ACIN1: variants seen among roughly 807,000 people sequenced by gnomAD.
ACIN1 encodes the protein apoptotic chromatin condensation inducer 1.
ACIN1 carries 16 observed loss-of-function variants against 146.6 expected under a neutral mutation model. The ratio of observed to expected loss-of-function variants is 0.11; its 90% confidence interval spans 0.07 to 0.17. The LOEUF is 0.17. ACIN1 is among the 10% of genes least tolerant of loss of function. The pLI is 1.00. For synonymous variants in ACIN1, 569 were observed against 582.7 expected (o/e 0.98, Z 0.34); for missense variants, 1,357 against 1,609.3 (o/e 0.84, Z 2.68).
At position 23,059,951 on chromosome 14, in the gene ACIN1, C is replaced by T. The variant is rs534371640; in HGVS notation, c.3526-477G>A. On this transcript the variant is annotated intron_variant, in intron 18 of 18. Transcript: ENST00000605057. ...ATTACAGGCGTGAGCCACCGCGCCC[C>T]GCCAGTTTTTTTTTTTTTTTTTTTT... 4.3e-3 allele frequency among the ~76,000 whole-genome samples: 583 copies of T among 135,136 alleles called. 5 individuals carry two copies. Among genetic ancestry groups the T allele is most frequent in the African/African-American group, 0.014 (482 of 35,654 alleles). The allele number at this position is 135,136 out of a possible 152,430, so 88.7% of individuals were successfully genotyped here. A position where few individuals can be genotyped will look rare whatever the true frequency, so the allele number is the denominator to read the frequency against.
Position 23,059,088 on chromosome 14 carries a change from C to G in ACIN1, c.*60G>C. The G allele has an allele frequency of 3.9e-6, 6 of 1,536,018 alleles. No homozygotes were observed. In the South Asian group the frequency reaches 7.0e-5, roughly 18 times the overall value. ...GGTGGTGGAGACTGTGCCTATCCCT[C>G]TGTGGCCATAACCCCCTGGGGCCGA... On this transcript the variant is annotated 3_prime_UTR_variant, in exon 19 of 19. Coordinates refer to ENST00000605057, the MANE Select transcript of ACIN1 (RefSeq NM_001386863.1).
At chr14:23,071,467 G>A (rs905480839) in intron 8 of ACIN1, 145 of 1,551,660 alleles carry the variant, frequency 9.3e-5, no homozygotes, top group Non-Finnish European at 1.2e-4. Flanking sequence ...CTCTGGAGAA[G>A]GAGGAAGAGG....
chr14:23,064,962 T>G (rs188845100), intron 10 of ACIN1, among the ~76,000 whole-genome samples: 1 of 151,642 alleles, frequency 6.6e-6, no homozygotes, highest in East Asian at 1.9e-4. Flanking sequence ...GACTGAACAC[T>G]GATCTAAAAG....
chr14:23,065,773 G>A (rs537065610), intron 10 of ACIN1, among the ~76,000 whole-genome samples, 193 bp downstream of exon 10: 1 of 152,200 alleles, frequency 6.6e-6, no homozygotes, highest in East Asian at 1.9e-4. Context: ...GGAGCAATAT[G>A]ATGGGGATTG....
chr14:23,090,816 C>T (rs762678516), intron 2 of ACIN1, among the ~76,000 whole-genome samples, 183 bp from the exon 3 acceptor site: 4 of 151,870 alleles, frequency 2.6e-5, no homozygotes, highest in Non-Finnish European at 5.9e-5. Flanking sequence ...GAGTCACACA[C>T]AAAAAAAGGG....
At chr14:23,073,583 A>T (rs1056154687) in intron 8 of ACIN1, among the ~76,000 whole-genome samples, 2 of 152,112 alleles carry the variant, frequency 1.3e-5, no homozygotes, top group Admixed American at 1.3e-4. Context: ...ACTTGAACCC[A>T]GGATGCAGAG....
At position 23,068,910 on chromosome 14, in the gene ACIN1, C is replaced by T; in HGVS notation, c.2265+566G>A. ...AGCCCCCTGAAGTGGGTGCAGGACACAAGATAACATATGCCAAAAAAGGAG... is the reference window on the plus strand; with the variant it reads ...AGCCCCCTGAAGTGGGTGCAGGACATAAGATAACATATGCCAAAAAAGGAG... On this transcript the variant is annotated intron_variant, in intron 9 of 18. Transcript: ENST00000605057. This position sits in a 1 kb window ranked among gnomAD's most constrained non-coding sequence, Gnocchi z 4.3. The T allele has an allele frequency of 3.0e-6, 3 of 985,430 alleles. No individual in the cohort carries two copies. The highest frequency in any genetic ancestry group is 3.6e-6 in the Non-Finnish European group (3 of 829,984). 61.0% of individuals were successfully genotyped at this position (985,430 alleles called of 1,614,324 possible).
At position 23,063,972 on chromosome 14, in the gene ACIN1, A is replaced by T. The variant is rs151286076; in HGVS notation, c.2595+133T>A. 186 of 1,218,516 alleles carry T rather than the reference A, an allele frequency of 1.5e-4. 1 individual carries two copies. The African/African-American group carries it at 2.5e-3, about 16-fold the overall frequency. The allele number at this position is 1,218,516 out of a possible 1,614,324, so 75.5% of individuals were successfully genotyped here. A position where few individuals can be genotyped will look rare whatever the true frequency, so the allele number is the denominator to read the frequency against. ...GCTGGATTTGGTAGTCTGACCCCTG[A>T]AAGTGTCAGTCAACCCAACCCTCTG... is the stretch of plus-strand genomic sequence containing the variant. On this transcript the variant is annotated intron_variant, in intron 12 of 18. Transcript: ENST00000605057.
rs140839797 is a variant in ACIN1, at chr14:23,074,395, A to G, written c.2123+3756T>C. On this transcript the variant is annotated intron_variant, in intron 8 of 18. Transcript: ENST00000605057. ...AGCCTGGCCAACATGGTGAAACCCC[A>G]TCTCTATTAAAAATAGAAAAATTAG... Among the ~76,000 whole-genome samples, 891 of 151,894 alleles carry G rather than the reference A, an allele frequency of 5.9e-3. 9 individuals carry two copies. The highest frequency in any genetic ancestry group is 0.02 in the African/African-American group (819 of 41,446).
intron 8 of ACIN1, among the ~76,000 whole-genome samples, chr14:23,074,674 A>T (rs1214336077): frequency 1.3e-5 from 2 of 152,228 alleles, no homozygotes; most frequent in East Asian, 3.9e-4. Flanking sequence ...AGAGCCCAAC[A>T]TAGCTTAACA....
At chr14:23,077,190 C>CA (rs773814756) in intron 8 of ACIN1, among the ~76,000 whole-genome samples, 5 of 152,176 alleles carry the variant, frequency 3.3e-5, no homozygotes, top group Non-Finnish European at 7.3e-5. Context: ...CTCCAAAAGT[C>CA]AGAGTTAAAG....
Position 23,068,617 on chromosome 14 carries a change from G to A in ACIN1, c.2265+859C>T, listed in dbSNP as rs2047530295. Reference sequence around the variant, plus strand: ...GTCCAGAGGAAGAGGCGGCATCAGCGATTGGCCAGTTGGGCAGGGTTATAT... The same window carrying A: ...GTCCAGAGGAAGAGGCGGCATCAGCAATTGGCCAGTTGGGCAGGGTTATAT... On this transcript the variant is annotated intron_variant, in intron 9 of 18. Coordinates refer to ENST00000605057, the MANE Select transcript of ACIN1 (RefSeq NM_001386863.1). This position sits in a 1 kb window ranked among gnomAD's most constrained non-coding sequence, Gnocchi z 4.3. The A allele has an allele frequency of 5.1e-6, 5 of 985,828 alleles. No homozygotes were observed. Among genetic ancestry groups the A allele is most frequent in the African/African-American group, 3.5e-5 (2 of 57,248 alleles). 61.1% of individuals were successfully genotyped at this position (985,828 alleles called of 1,614,324 possible). A position where few individuals can be genotyped will look rare whatever the true frequency, so the allele number is the denominator to read the frequency against.
rs887436041 is a variant in ACIN1, at chr14:23,067,754, C to G, written c.2265+1722G>C. On this transcript the variant is annotated intron_variant, in intron 9 of 18. Coordinates refer to ENST00000605057, the MANE Select transcript of ACIN1 (RefSeq NM_001386863.1). The surrounding 1 kb of genome is among the most constrained non-coding windows in gnomAD (Gnocchi z 4.6). ...TGGCAAGCTGCAGCAATAACACCAC[C>G]CAATACTTGGAATCCAGGTGATGAC... 2 of 985,762 alleles carry G rather than the reference C, an allele frequency of 2.0e-6. No individual in the cohort carries two copies. Among genetic ancestry groups the G allele is most frequent in the African/African-American group, 3.5e-5 (2 of 57,198 alleles). The allele number at this position is 985,762 out of a possible 1,614,324, so 61.1% of individuals were successfully genotyped here.
Position 23,087,800 on chromosome 14 carries a change from G to C in ACIN1, c.436+2182C>G, listed in dbSNP as rs548531810. The stretch of plus-strand genomic sequence containing the variant: ...TTAAATTGTTTTGCTGACTATTCTT[G>C]AATGTGAAATACTCTACTCTGGCTA... On this transcript the variant is annotated intron_variant, in intron 4 of 18. Coordinates refer to ENST00000605057, the MANE Select transcript of ACIN1 (RefSeq NM_001386863.1). Among the ~76,000 whole-genome samples, 4 of 151,932 alleles carry C rather than the reference G, an allele frequency of 2.6e-5. No homozygotes were observed. In the East Asian group the frequency reaches 7.7e-4, roughly 29 times the overall value.
At chr14:23,092,884 A>G (rs1369504025) in intron 2 of ACIN1, among the ~76,000 whole-genome samples, 2 of 152,192 alleles carry the variant, frequency 1.3e-5, no homozygotes, top group African/African-American at 4.8e-5. Context: ...CTAAGAGAAC[A>G]GTTATAAACC....
chr14:23,072,483 G>A (rs1479941314), intron 8 of ACIN1, among the ~76,000 whole-genome samples: 2 of 152,106 alleles, frequency 1.3e-5, no homozygotes, highest in Non-Finnish European at 2.9e-5. Flanking sequence ...GAAAGCGACT[G>A]GGAACTAAGC....
chr14:23,082,756 TGA>T (rs1297111735), intron 4 of ACIN1, among the ~76,000 whole-genome samples: 1 of 151,234 alleles, frequency 6.6e-6, no homozygotes, highest in African/African-American at 2.4e-5. Flanking sequence ...TTTTTTTTTT[TGA>T]GACAGAGTTT....
intron 4 of ACIN1, among the ~76,000 whole-genome samples, chr14:23,082,350 C>G (rs1378124003): frequency 6.6e-6 from 1 of 151,852 alleles, no homozygotes; most frequent in Non-Finnish European, 1.5e-5. Context: ...TTTCAGCGCC[C>G]TAAAGTTCCT....
intron 9 of ACIN1, 82 bp from the exon 10 acceptor site, chr14:23,066,090 TCTTAG>T (rs1380898275): frequency 4.0e-5 from 45 of 1,120,508 alleles, no homozygotes; most frequent in African/African-American, 2.9e-4. Context: ...GATGGGGCAG[TCTTAG>T]CTTAGCCTCC....
Sources: allele counts gnomAD v4.1 joint callset (sites outside exome capture counted in the v4.1 genomes callset), GRCh38; gene constraint gnomAD v4.1.1; non-coding constraint Gnocchi (gnomAD v3.1); transcripts MANE v1.5; gene names NCBI Gene and HGNC (gene_info 2026-07-23, HGNC 2026-07-21).